Variants in FHIT observed in about 807,000 individuals in gnomAD.
FHIT encodes bis(5'-adenosyl)-triphosphatase.
In FHIT, 19 loss-of-function variants were observed where a neutral mutation model predicts 17.9. The ratio of observed to expected loss-of-function variants is 1.06; its 90% CI spans 0.74 to 1.56. FHIT has a LOEUF of 1.56. FHIT is among the 40% of genes most tolerant of loss of function. The pLI, the probability that FHIT is intolerant of heterozygous loss-of-function variation, is 0.00. For missense variants in FHIT, 248 were observed against 189.2 expected (o/e 1.31, Z -1.82); for synonymous variants, 81 against 69.7 (o/e 1.16, Z -0.81).
intron 8 of FHIT, among the ~76,000 whole-genome samples, chr3:59,757,171 C>T (rs1298884294): frequency 2.0e-5 from 3 of 152,166 alleles, no homozygotes; most frequent in Non-Finnish European, 4.4e-5. Context: ...ACGGTTTTCA[C>T]AGAAGCTTTG....
chr3:59,791,969 C>T (rs187278490), intron 8 of FHIT, among the ~76,000 whole-genome samples: 1 of 151,550 alleles, frequency 6.6e-6, no homozygotes, highest in Non-Finnish European at 1.5e-5. Context: ...GAATGGATTT[C>T]CCATGCCTGG....
intron 1 of FHIT, among the ~76,000 whole-genome samples, chr3:61,247,964 T>C (rs73101008): frequency 0.012 from 1,786 of 152,218 alleles, 21 homozygotes; most frequent in Middle Eastern, 0.031. Flanking sequence ...AAATCATGGG[T>C]CCCCAGACAA....
chr3:60,472,256 C>A (rs1348679540), intron 5 of FHIT, among the ~76,000 whole-genome samples: 1 of 151,718 alleles, frequency 6.6e-6, no homozygotes, highest in Non-Finnish European at 1.5e-5. Flanking sequence ...TCCTTAGGTC[C>A]TTAGGCCCAT....
At chr3:60,272,885 G>A (rs1706933658) in intron 5 of FHIT, among the ~76,000 whole-genome samples, 1 of 152,178 alleles carries the variant, frequency 6.6e-6, no homozygotes. Flanking sequence ...GCAAGTGACT[G>A]GCAATGAGGG....
chr3:60,507,360 G>A (rs948231000), intron 5 of FHIT, among the ~76,000 whole-genome samples: 3 of 152,200 alleles, frequency 2.0e-5, no homozygotes, highest in African/African-American at 7.2e-5. Flanking sequence ...GGCCTGGCAT[G>A]TGGTGAGATT....
intron 5 of FHIT, among the ~76,000 whole-genome samples, chr3:60,119,019 TCAAAAA>T (rs1443187719): frequency 7.1e-6 from 1 of 139,864 alleles, no homozygotes; most frequent in Non-Finnish European, 1.6e-5. Context: ...AGGCTCCATC[TCAAAAA>T]CAAAAACAAA....
intron 5 of FHIT, among the ~76,000 whole-genome samples, chr3:60,462,907 C>G (rs2032563764): frequency 6.6e-6 from 1 of 152,204 alleles, no homozygotes; most frequent in Non-Finnish European, 1.5e-5. Flanking sequence ...ACCAACCCTG[C>G]TCTGTATCAC....
intron 5 of FHIT, among the ~76,000 whole-genome samples, chr3:60,347,821 C>T (rs1452700691): frequency 1.3e-5 from 2 of 151,952 alleles, no homozygotes; most frequent in Non-Finnish European, 2.9e-5. Context: ...TGCAATAGCA[C>T]GATCTTGGCT....
intron 2 of FHIT, among the ~76,000 whole-genome samples, chr3:61,157,586 G>T (rs1425633796): frequency 6.6e-6 from 1 of 152,112 alleles, no homozygotes; most frequent in African/African-American, 2.4e-5. Flanking sequence ...ACTGAAGTTT[G>T]CCCAGAAGCA....
In FHIT at chr3:60,374,998, A is replaced by C. The variant is rs532207981; in HGVS notation, c.103+161862T>G. 1.6e-4 allele frequency among the ~76,000 whole-genome samples: 24 copies of C among 152,194 alleles called. No individual in the cohort carries two copies. The Middle Eastern group carries it at 0.01, about 65-fold the overall frequency. ...AGGTTTCTGCAATATTTGGAGCCTG[A>C]AAGGAGAGACTCTAAGGGTAGCAGT... On this transcript the variant is annotated intron_variant, in intron 5 of 9. Coordinates refer to ENST00000492590, the MANE Select transcript of FHIT (RefSeq NM_002012.4).
intron 8 of FHIT, among the ~76,000 whole-genome samples, chr3:59,763,584 C>G (rs1644381101): frequency 6.6e-6 from 1 of 152,194 alleles, no homozygotes; most frequent in African/African-American, 2.4e-5. Flanking sequence ...TCAAGCTGGA[C>G]AAGGTAGTGC....
Position 60,835,618 on chromosome 3 carries a change from G to A in FHIT, c.-110-13607C>T, listed in dbSNP as rs564564815. Among the ~76,000 whole-genome samples, 4 of 152,154 alleles carry A rather than the reference G, an allele frequency of 2.6e-5. No individual in the cohort carries two copies. The East Asian group carries it at 7.7e-4, about 29-fold the overall frequency. ...TCAATTATTAGTTTTTCATTTGTTT[G>A]CTTGAGATAGGGTCTCACTCTGCCA... On this transcript the variant is annotated intron_variant, in intron 3 of 9. Transcript: ENST00000492590.
At chr3:60,603,102 G>C (rs992363122) in intron 4 of FHIT, among the ~76,000 whole-genome samples, 8 of 152,166 alleles carry the variant, frequency 5.3e-5, no homozygotes, top group South Asian at 2.1e-4. Flanking sequence ...AAGAGAGGTA[G>C]CTGGAAAGAA....
intron 8 of FHIT, among the ~76,000 whole-genome samples, chr3:59,825,920 T>C (rs1031140381): frequency 6.6e-6 from 1 of 152,194 alleles, no homozygotes; most frequent in African/African-American, 2.4e-5. Flanking sequence ...CAGCCATCCA[T>C]CTATGCATTT....
chr3:60,361,705 G>C (rs547910499), intron 5 of FHIT, among the ~76,000 whole-genome samples: 29 of 152,252 alleles, frequency 1.9e-4, no homozygotes, highest in East Asian at 5.8e-4. Flanking sequence ...GCCAGAGAGA[G>C]AGACAGATTT....
intron 3 of FHIT, among the ~76,000 whole-genome samples, chr3:60,898,807 G>A (rs1553762486): frequency 6.6e-6 from 1 of 152,140 alleles, no homozygotes; most frequent in East Asian, 1.9e-4. Flanking sequence ...TAAATGCATA[G>A]GATAGATCCC....
chr3:61,069,094 A>C (rs2034712695), intron 2 of FHIT, among the ~76,000 whole-genome samples: 1 of 152,092 alleles, frequency 6.6e-6, no homozygotes, highest in African/African-American at 2.4e-5. Context: ...TTTCTTTTTT[A>C]TTTTTTAATG....
chr3:61,027,369 G>C (rs1167492168), intron 3 of FHIT, among the ~76,000 whole-genome samples: 2 of 152,242 alleles, frequency 1.3e-5, no homozygotes, highest in Non-Finnish European at 2.9e-5. Context: ...TTACAGGCTT[G>C]TGCCAGCGCA....
At chr3:60,883,321 C>T (rs2107136726) in intron 3 of FHIT, among the ~76,000 whole-genome samples, 1 of 152,144 alleles carries the variant, frequency 6.6e-6, no homozygotes, top group South Asian at 2.1e-4. Context: ...TTGATGTAAA[C>T]CTTTTCAAAA....
Sources: allele counts gnomAD v4.1 joint callset (sites outside exome capture counted in the v4.1 genomes callset), GRCh38; gene constraint gnomAD v4.1.1; transcripts MANE v1.5; gene names NCBI Gene and HGNC (gene_info 2026-07-23, HGNC 2026-07-21).